PTPRD: variants seen among roughly 807,000 people sequenced by gnomAD.
PTPRD encodes the protein protein tyrosine phosphatase receptor type D, also known as receptor-type tyrosine-protein phosphatase delta.
PTPRD carries 34 observed loss-of-function variants against 214.5 expected under a neutral mutation model. That is an observed-to-expected ratio of 0.16 (90% CI 0.12 to 0.21). The LOEUF (loss-of-function observed/expected upper bound fraction) is 0.21. Ranked by LOEUF, PTPRD falls within the 10% of genes least tolerant of loss-of-function variation. PTPRD has a pLI of 1.00. For synonymous variants in PTPRD, 1,128 were observed against 845.7 expected (o/e 1.33, Z -5.79); for missense variants, 2,545 against 2,398.7 (o/e 1.06, Z -1.27).
intron 9 of PTPRD, among the ~76,000 whole-genome samples, chr9:9,207,713 G>T (rs2099945746): frequency 6.6e-6 from 1 of 152,102 alleles, no homozygotes; most frequent in African/African-American, 2.4e-5. Flanking sequence ...GTAATGTATT[G>T]CAACAATATG....
In PTPRD at chr9:8,423,177, AAGATC is replaced by A. The variant is rs536250625; in HGVS notation, c.4086+13410_4086+13414del. Reference sequence around the variant, plus strand: ...TTCAGCAAGAGAGAAAGAATCTAAAAAGATCGTCCAGTCCAATCACCTAAATTATG... The same window carrying A: ...TTCAGCAAGAGAGAAAGAATCTAAAAGTCCAGTCCAATCACCTAAATTATG... On this transcript the variant is annotated intron_variant, in intron 35 of 45. Transcript: ENST00000381196. Among the ~76,000 whole-genome samples the A allele has an allele frequency of 3.2e-3, 486 of 152,326 alleles. 1 individual carries two copies. The highest frequency in any genetic ancestry group is 5.6e-3 in the Non-Finnish European group (379 of 68,036).
chr9:10,580,660 A>T (rs1295988547), intron 2 of PTPRD, among the ~76,000 whole-genome samples: 1 of 152,162 alleles, frequency 6.6e-6, no homozygotes, highest in Admixed American at 6.6e-5. Context: ...CATATTCTGA[A>T]ATGTTATGAA....
intron 11 of PTPRD, among the ~76,000 whole-genome samples, chr9:8,789,945 T>C (rs1036072794): frequency 3.9e-5 from 6 of 152,152 alleles, no homozygotes; most frequent in African/African-American, 1.2e-4. Context: ...GACAGATAAA[T>C]TCCACTATAC....
intron 11 of PTPRD, among the ~76,000 whole-genome samples, chr9:8,929,327 G>T (rs1163286703): frequency 6.6e-6 from 1 of 152,198 alleles, no homozygotes; most frequent in African/African-American, 2.4e-5. Flanking sequence ...CTGTGGGTTT[G>T]TCATGAATAC....
intron 4 of PTPRD, among the ~76,000 whole-genome samples, chr9:10,007,955 A>C (rs1437269606): frequency 6.6e-6 from 1 of 151,982 alleles, no homozygotes; most frequent in African/African-American, 2.4e-5. Context: ...ATACTTAAGA[A>C]CCATTATGTT....
intron 7 of PTPRD, among the ~76,000 whole-genome samples, chr9:9,645,736 C>T (rs1364610236): frequency 1.3e-5 from 2 of 151,900 alleles, no homozygotes; most frequent in Non-Finnish European, 2.9e-5. Context: ...AATTATACTC[C>T]TGTATAACCT....
chr9:8,835,719 T>C (rs908153918), intron 11 of PTPRD, among the ~76,000 whole-genome samples: 3 of 152,066 alleles, frequency 2.0e-5, no homozygotes, highest in Admixed American at 6.6e-5. Flanking sequence ...TTATTTTTTG[T>C]AGAGACGAGG....
chr9:9,024,334 C>CTTAT (rs1169168298), intron 10 of PTPRD, among the ~76,000 whole-genome samples: 1 of 72,754 alleles, frequency 1.4e-5, no homozygotes, highest in African/African-American at 4.9e-5. Context: ...ATTGTCGATT[C>CTTAT]TTTGTTTTTT....
At chr9:9,925,091 T>A (rs2083806071) in intron 5 of PTPRD, among the ~76,000 whole-genome samples, 1 of 152,130 alleles carries the variant, frequency 6.6e-6, no homozygotes. Flanking sequence ...CTAGTATATA[T>A]TACAGATAGT....
intron 7 of PTPRD, among the ~76,000 whole-genome samples, chr9:9,667,006 A>G (rs1202748337): frequency 1.3e-5 from 2 of 152,196 alleles, no homozygotes; most frequent in East Asian, 3.9e-4. Flanking sequence ...CTCTTTAAAT[A>G]TATTACTTGG....
Position 10,050,421 on chromosome 9 carries a change from G to C in PTPRD, c.-544-16631C>G, listed in dbSNP as rs140055401. On this transcript the variant is annotated intron_variant, in intron 3 of 45. Transcript: ENST00000381196. ...AAAAATACAAAAAAACTAGCCAGGC[G>C]TGGTGGCGCGCGTCTGTAGTCCCAG... is the stretch of plus-strand genomic sequence containing the variant. 4.6e-5 allele frequency among the ~76,000 whole-genome samples: 7 copies of C among 151,356 alleles called. No individual in the cohort carries two copies. The East Asian group carries it at 9.8e-4, about 21-fold the overall frequency.
In PTPRD at chr9:10,443,563, C is replaced by T. The variant is rs145698933; in HGVS notation, c.-599-102546G>A. On this transcript the variant is annotated intron_variant, in intron 2 of 45. Transcript: ENST00000381196. The stretch of plus-strand genomic sequence containing the variant: ...CTCTTTCAAATACACTCCATTACTT[C>T]AGTAGATATCCATTTATACCTTAAT... Among the ~76,000 whole-genome samples the T allele has an allele frequency of 5.9e-5, 9 of 151,832 alleles. No homozygotes were observed. The East Asian group carries it at 1.7e-3, about 29-fold the overall frequency.
chr9:8,320,379 T>C (rs12000483), intron 44 of PTPRD, among the ~76,000 whole-genome samples: 1 of 152,124 alleles, frequency 6.6e-6, no homozygotes, highest in Admixed American at 6.6e-5. Flanking sequence ...ATCTTCAACT[T>C]TTCTATCACA....
intron 14 of PTPRD, among the ~76,000 whole-genome samples, chr9:8,595,297 T>C (rs2094420315): frequency 6.6e-6 from 1 of 151,968 alleles, no homozygotes; most frequent in South Asian, 2.1e-4. Flanking sequence ...TGAAAAATAG[T>C]TTTTTAAAAA....
chr9:8,813,764 G>C (rs1304890232), intron 11 of PTPRD, among the ~76,000 whole-genome samples: 1 of 152,214 alleles, frequency 6.6e-6, no homozygotes, highest in Non-Finnish European at 1.5e-5. Context: ...GAGATGCTTT[G>C]CTGAGTTCCT....
chr9:10,457,880 T>C (rs1323445679), intron 2 of PTPRD, among the ~76,000 whole-genome samples: 1 of 152,036 alleles, frequency 6.6e-6, no homozygotes, highest in Admixed American at 6.6e-5. Context: ...ATAAGACTTA[T>C]ATATAAAATC....
At chr9:10,105,605 C>T (rs945092936) in intron 3 of PTPRD, among the ~76,000 whole-genome samples, 6 of 151,890 alleles carry the variant, frequency 4.0e-5, no homozygotes, top group African/African-American at 1.4e-4. Flanking sequence ...TGGTAATTTG[C>T]CCATCTCTCA....
chr9:9,726,446 T>C (rs2154435832), intron 7 of PTPRD, among the ~76,000 whole-genome samples: 1 of 121,410 alleles, frequency 8.2e-6, no homozygotes, highest in Non-Finnish European at 1.7e-5. Flanking sequence ...CATAACCTCA[T>C]TCCCTTAAAG....
intron 2 of PTPRD, among the ~76,000 whole-genome samples, chr9:10,608,589 T>C (rs2080105465): frequency 1.3e-5 from 2 of 152,122 alleles, no homozygotes; most frequent in South Asian, 4.1e-4. Context: ...TTATATTCAG[T>C]ATATTAGTCA....
Sources: gnomAD v4.1 joint callset for allele counts (sites outside exome capture counted in the v4.1 genomes callset) on GRCh38, gnomAD v4.1.1 for gene constraint, MANE v1.5 for transcripts, NCBI Gene and HGNC (gene_info 2026-07-23, HGNC 2026-07-21) for gene names.